The following RBFOX1 variants were observed in gnomAD, a reference collection of about 807,000 sequenced individuals.
The protein encoded by RBFOX1 is RNA binding protein fox-1 homolog 1.
In RBFOX1, 8 loss-of-function variants were observed where a neutral mutation model predicts 57.7. The ratio of observed to expected loss-of-function variants is 0.14; its 90% CI spans 0.08 to 0.25. RBFOX1 has a LOEUF of 0.25. Among genes scored for constraint, RBFOX1 ranks in the 10% least tolerant of loss-of-function variants. The pLI is 1.00. For synonymous variants in RBFOX1, 326 were observed against 222.4 expected (o/e 1.47, Z -4.15); for missense variants, 611 against 548.5 (o/e 1.11, Z -1.14).
chr16:7,404,334 T>G (rs1428091253), intron 4 of RBFOX1, among the ~76,000 whole-genome samples: 2 of 152,152 alleles, frequency 1.3e-5, no homozygotes, highest in African/African-American at 2.4e-5. Flanking sequence ...ATTCCAGGCA[T>G]AAGCCACCGT....
At chr16:5,605,222 C>T (rs1316298330) in intron 3 of RBFOX1, among the ~76,000 whole-genome samples, 1 of 152,218 alleles carries the variant, frequency 6.6e-6, no homozygotes, top group Non-Finnish European at 1.5e-5. Context: ...TGGATTTCAT[C>T]TCTGATTCCA....
intron 4 of RBFOX1, among the ~76,000 whole-genome samples, chr16:7,265,552 G>C (rs796530615): frequency 6.6e-6 from 1 of 151,852 alleles, no homozygotes; most frequent in Non-Finnish European, 1.5e-5. Context: ...GTGTTGAAGC[G>C]ATTCTCCTGC....
At chr16:6,985,985 G>C (rs558825440) in intron 3 of RBFOX1, among the ~76,000 whole-genome samples, 4 of 151,394 alleles carry the variant, frequency 2.6e-5, no homozygotes, top group Non-Finnish European at 4.4e-5. Context: ...TACCGGACGA[G>C]AGAAATTTTT....
chr16:7,509,869 A>C (rs1391689055), intron 4 of RBFOX1, among the ~76,000 whole-genome samples: 1 of 152,058 alleles, frequency 6.6e-6, no homozygotes, highest in African/African-American at 2.4e-5. Flanking sequence ...TGCATACCAT[A>C]TATTTAGTTT....
chr16:5,483,180 G>C (rs1234973947), intron 2 of RBFOX1, among the ~76,000 whole-genome samples: 1 of 152,214 alleles, frequency 6.6e-6, no homozygotes, highest in African/African-American at 2.4e-5. Context: ...TCGGAGTCCA[G>C]AGTCCTTGAT....
At chr16:7,305,651 AT>A (rs2096163944) in intron 4 of RBFOX1, among the ~76,000 whole-genome samples, 1 of 152,124 alleles carries the variant, frequency 6.6e-6, no homozygotes, top group Admixed American at 6.6e-5. Context: ...AGGAATGTAT[AT>A]TTTTATAAAA....
chr16:6,797,626 A>T (rs1208066111), intron 3 of RBFOX1, among the ~76,000 whole-genome samples: 1 of 152,142 alleles, frequency 6.6e-6, no homozygotes, highest in East Asian at 1.9e-4. Context: ...ACAATAGCAT[A>T]CTGGGCACTG....
chr16:5,314,113 A>T (rs368183837), intron 1 of RBFOX1, among the ~76,000 whole-genome samples: 1 of 152,332 alleles, frequency 6.6e-6, no homozygotes, highest in African/African-American at 2.4e-5. Context: ...CCTCTTGACA[A>T]TCTGATGAGC....
At chr16:6,215,548 A>G (rs1198917984) in intron 1 of RBFOX1, among the ~76,000 whole-genome samples, 1 of 152,068 alleles carries the variant, frequency 6.6e-6, no homozygotes, top group African/African-American at 2.4e-5. Context: ...CGCTCCCCCA[A>G]ATCCCTTGGG....
chr16:6,970,513 A>G (rs578163395), intron 3 of RBFOX1, among the ~76,000 whole-genome samples: 12 of 152,152 alleles, frequency 7.9e-5, no homozygotes, highest in Non-Finnish European at 1.3e-4. Context: ...AAGATCAGAG[A>G]CATCAGTAGA....
chr16:6,883,820 T>A (rs1003024350), intron 3 of RBFOX1, among the ~76,000 whole-genome samples: 1 of 152,138 alleles, frequency 6.6e-6, no homozygotes, highest in Non-Finnish European at 1.5e-5. Flanking sequence ...TCTCTATTAT[T>A]ATCTCTTTTT....
At chr16:6,909,466 G>C (rs8046151) in intron 3 of RBFOX1, among the ~76,000 whole-genome samples, 2 of 152,078 alleles carry the variant, frequency 1.3e-5, no homozygotes, top group Non-Finnish European at 1.5e-5. Flanking sequence ...CAGAGATTAC[G>C]ATGCAGGCAT....
At chr16:7,561,234 G>A (rs143473699) in intron 5 of RBFOX1, among the ~76,000 whole-genome samples, 2 of 152,310 alleles carry the variant, frequency 1.3e-5, no homozygotes, top group East Asian at 1.9e-4. Flanking sequence ...TCAAAACACA[G>A]CCACATTCAT....
intron 1 of RBFOX1, among the ~76,000 whole-genome samples, chr16:6,129,715 A>G (rs2096616000): frequency 6.6e-6 from 1 of 151,004 alleles, no homozygotes; most frequent in African/African-American, 2.4e-5. Flanking sequence ...AAAAAAAAAA[A>G]AGAACTAAAC....
intron 3 of RBFOX1, among the ~76,000 whole-genome samples, chr16:7,032,818 G>T (rs1055698921): frequency 6.6e-6 from 1 of 152,048 alleles, no homozygotes; most frequent in Non-Finnish European, 1.5e-5. Flanking sequence ...AATGCGTTTG[G>T]TGTCTCCAGG....
chr16:5,244,123 C>T (rs2062236180), intron 1 of RBFOX1, among the ~76,000 whole-genome samples: 1 of 152,140 alleles, frequency 6.6e-6, no homozygotes, highest in Admixed American at 6.5e-5. Flanking sequence ...TCTCAAACTC[C>T]TGACCTGAGG....
intron 4 of RBFOX1, among the ~76,000 whole-genome samples, chr16:7,063,942 G>A (rs1993896): frequency 0.061 from 9,277 of 152,086 alleles, 865 homozygotes; most frequent in African/African-American, 0.2. Context: ...TTTGGTATTC[G>A]CAGGAAGTCT....
chr16:7,276,415 A>G (rs571312460), intron 4 of RBFOX1, among the ~76,000 whole-genome samples: 1 of 152,358 alleles, frequency 6.6e-6, no homozygotes, highest in East Asian at 1.9e-4. Flanking sequence ...CTGGACATCC[A>G]TTAGAATGAC....
At chr16:7,205,005 C>T (rs1214964261) in intron 4 of RBFOX1, among the ~76,000 whole-genome samples, 1 of 152,192 alleles carries the variant, frequency 6.6e-6, no homozygotes, top group Admixed American at 6.5e-5. Context: ...CCTACACTCT[C>T]TTTTCCATGT....
Sources: gnomAD v4.1 joint callset for allele counts (sites outside exome capture counted in the v4.1 genomes callset) on GRCh38, gnomAD v4.1.1 for gene constraint, MANE v1.5 for transcripts, NCBI Gene and HGNC (gene_info 2026-07-23, HGNC 2026-07-21) for gene names.